SESN3: variants seen among roughly 807,000 people sequenced by gnomAD.
SESN3 encodes sestrin 3.
A neutral mutation model predicts 55.3 loss-of-function variants in SESN3; 21 were observed. That is an observed-to-expected ratio of 0.38 (90% CI 0.27 to 0.55). The LOEUF (loss-of-function observed/expected upper bound fraction) is 0.55, where lower values mean the gene tolerates loss of function less well. Among genes scored for constraint, SESN3 ranks in the 20% least tolerant of loss-of-function variants. SESN3 has a pLI of 0.76. For missense variants in SESN3, 408 were observed against 604.3 expected (o/e 0.68, Z 3.41); for synonymous variants, 181 against 203.1 (o/e 0.89, Z 0.93).
chr11:95,206,970 G>A (rs1040201748), intron 1 of SESN3, among the ~76,000 whole-genome samples: 15 of 151,786 alleles, frequency 9.9e-5, no homozygotes, highest in African/African-American at 2.2e-4. Context: ...TAGTAGAGAC[G>A]GGGTTTCACC....
chr11:95,220,317 C>T (rs755604693), intron 1 of SESN3, among the ~76,000 whole-genome samples: 2 of 152,048 alleles, frequency 1.3e-5, no homozygotes, highest in African/African-American at 2.4e-5. Context: ...GAGACACATA[C>T]TTAAAATGTT....
chr11:95,195,168 T>C lies in SESN3; in HGVS notation c.79-1646A>G, dbSNP rs544788203. Among the ~76,000 whole-genome samples, 7 of 152,162 alleles carry C rather than the reference T, an allele frequency of 4.6e-5. No homozygotes were observed. The South Asian group carries it at 1.4e-3, about 32-fold the overall frequency. ...TATAAACTCACGTTAAGATGGACAA[T>C]GGGATTTTGGAAACAAAAAATGATT... On this transcript the variant is annotated intron_variant, in intron 1 of 9. Transcript: ENST00000536441.
Position 95,181,887 on chromosome 11 carries a change from T to C in SESN3, c.937+2533A>G, listed in dbSNP as rs900178215. 3.3e-5 allele frequency among the ~76,000 whole-genome samples: 5 copies of C among 152,092 alleles called. No individual in the cohort carries two copies. The East Asian group carries it at 5.8e-4, about 18-fold the overall frequency. On this transcript the variant is annotated intron_variant, in intron 6 of 9. Transcript: ENST00000536441. ...TGTACTGAGTCTTTTTTCTATATTTTATTTGTGCAGCCAGCAAAGTTGGTA... is the reference window on the plus strand; with the variant it reads ...TGTACTGAGTCTTTTTTCTATATTTCATTTGTGCAGCCAGCAAAGTTGGTA...
At chr11:95,174,506 T>C (rs552401526) in intron 9 of SESN3, among the ~76,000 whole-genome samples, 1 of 152,278 alleles carries the variant, frequency 6.6e-6, no homozygotes, top group Admixed American at 6.5e-5. Context: ...TTTCGAGAGA[T>C]GAAGTCTTGC....
chr11:95,206,985 T>C (rs1860560854), intron 1 of SESN3, among the ~76,000 whole-genome samples: 1 of 152,058 alleles, frequency 6.6e-6, no homozygotes, highest in African/African-American at 2.4e-5. Context: ...TTCACCATCT[T>C]GGCCAGGCTA....
intron 4 of SESN3, among the ~76,000 whole-genome samples, chr11:95,186,193 AC>A (rs1860160443): frequency 5.6e-5 from 1 of 18,008 alleles, no homozygotes; most frequent in Non-Finnish European, 1.2e-4. Context: ...TCTATCTCTC[AC>A]TGTGTGTGTG....
chr11:95,204,217 T>A (rs1467821006), intron 1 of SESN3, among the ~76,000 whole-genome samples: 12 of 152,178 alleles, frequency 7.9e-5, no homozygotes. Context: ...TTATGAAGCT[T>A]CATTACACTA....
intron 7 of SESN3, 42 bp downstream of exon 7, chr11:95,178,668 G>A: frequency 8.6e-7 from 1 of 1,167,544 alleles, no homozygotes. Flanking sequence ...CAGTTAAAAT[G>A]ACAGTATGTT....
intron 2 of SESN3, 52 bp downstream of exon 2, chr11:95,193,405 G>A: frequency 9.3e-7 from 1 of 1,070,562 alleles, no homozygotes; most frequent in Non-Finnish European, 1.4e-6. Flanking sequence ...CTTTGATACA[G>A]TTAAGTTATT....
chr11:95,175,257 G>A (rs1229336515), intron 9 of SESN3, among the ~76,000 whole-genome samples: 3 of 152,072 alleles, frequency 2.0e-5, no homozygotes, highest in African/African-American at 7.2e-5. Context: ...TCAGCTACTC[G>A]GGAGGGTGAG....
At chr11:95,198,787 A>G (rs1447226420) in intron 1 of SESN3, among the ~76,000 whole-genome samples, 1 of 152,196 alleles carries the variant, frequency 6.6e-6, no homozygotes, top group South Asian at 2.1e-4. Context: ...CATTCAGGAC[A>G]ATGCGAATCT....
chr11:95,180,476 T>C (rs1312321184), intron 6 of SESN3, among the ~76,000 whole-genome samples: 1 of 152,082 alleles, frequency 6.6e-6, no homozygotes, highest in East Asian at 1.9e-4. Context: ...TTCAGATAAA[T>C]CTTATTAAAA....
At chr11:95,199,888 T>C (rs764439426) in intron 1 of SESN3, among the ~76,000 whole-genome samples, 1 of 151,916 alleles carries the variant, frequency 6.6e-6, no homozygotes, top group Non-Finnish European at 1.5e-5. Context: ...TATAAAACAT[T>C]CTGGTAAAGT....
chr11:95,178,700 CAT>C lies in SESN3; in HGVS notation c.1056+8_1056+9del. 6.7e-7 allele frequency: 1 copy of C among 1,496,870 alleles called. No homozygotes were observed. The highest frequency in any genetic ancestry group is 9.3e-7 in the Non-Finnish European group (1 of 1,073,118). 92.7% of individuals were successfully genotyped at this position (1,496,870 alleles called of 1,614,324 possible). On this transcript the variant is annotated splice_region_variant and intron_variant, in intron 7 of 9. Coordinates refer to ENST00000536441, the MANE Select transcript of SESN3 (RefSeq NM_144665.4). The stretch of plus-strand genomic sequence containing the variant: ...TGTTCTAGTTTCTCTGAATTAAAGA[CAT>C]ATTATACCTGAGCTCGGAATGTTGG...
rs568114708 is a variant in SESN3 at position 95,178,965 on chromosome 11, TA to T, written c.938-138del. 1.0e-3 allele frequency: 556 copies of T among 541,314 alleles called. 4 individuals are homozygous for T. The highest frequency in any genetic ancestry group is 9.1e-3 in the African/African-American group (483 of 53,190). 33.5% of individuals were successfully genotyped at this position (541,314 alleles called of 1,614,324 possible). A position where few individuals can be genotyped will look rare whatever the true frequency, so the allele number is the denominator to read the frequency against. On this transcript the variant is annotated intron_variant, in intron 6 of 9. Transcript: ENST00000536441. ...AAAACATGGACTCCGTGACTTTATA[TA>T]AAATATCTACTGCTAAAGTTTTAAA... is the stretch of plus-strand genomic sequence containing the variant.
chr11:95,207,012 C>G (rs1300515896), intron 1 of SESN3, among the ~76,000 whole-genome samples: 2 of 152,184 alleles, frequency 1.3e-5, no homozygotes, highest in African/African-American at 4.8e-5. Context: ...AACTCCTGAC[C>G]TCGTGATCCA....
chr11:95,185,603 A>C (rs940906672), intron 4 of SESN3, 111 bp from the exon 5 acceptor site: 1 of 712,560 alleles, frequency 1.4e-6, no homozygotes, highest in African/African-American at 1.8e-5. Flanking sequence ...ATAAAACTTA[A>C]AACTCTCTTT....
intron 8 of SESN3, 91 bp downstream of exon 8, chr11:95,177,628 A>C: frequency 1.2e-6 from 1 of 805,588 alleles, no homozygotes; most frequent in Non-Finnish European, 1.9e-6. Flanking sequence ...TTTTCTTCCC[A>C]GAGTCATATA....
chr11:95,217,565 T>C (rs907466617), intron 1 of SESN3, among the ~76,000 whole-genome samples: 2 of 151,614 alleles, frequency 1.3e-5, no homozygotes, highest in African/African-American at 4.8e-5. Flanking sequence ...GGCAGGAGAA[T>C]TGCTTGAACC....
Sources: gnomAD v4.1 joint callset for allele counts (sites outside exome capture counted in the v4.1 genomes callset) on GRCh38, gnomAD v4.1.1 for gene constraint, MANE v1.5 for transcripts, NCBI Gene and HGNC (gene_info 2026-07-23, HGNC 2026-07-21) for gene names.